THSD7B: variants seen among roughly 807,000 people sequenced by gnomAD.
THSD7B encodes the protein thrombospondin type 1 domain containing 7B, also known as thrombospondin type-1 domain-containing protein 7B.
Under a neutral mutation model 213.6 loss-of-function variants are expected in THSD7B, and 138 were observed. The ratio of observed to expected loss-of-function variants is 0.65; its 90% CI spans 0.56 to 0.74. The LOEUF (loss-of-function observed/expected upper bound fraction) is 0.74, where lower values mean the gene tolerates loss of function less well. Ranked by LOEUF, THSD7B falls within the 30% of genes least tolerant of loss-of-function variation. The pLI is 0.00. For synonymous variants in THSD7B, 742 were observed against 687.0 expected (o/e 1.08, Z -1.25); for missense variants, 1,931 against 1,991.5 (o/e 0.97, Z 0.58).
chr2:136,845,147 G>A (rs1682986732), intron 1 of THSD7B, among the ~76,000 whole-genome samples: 2 of 152,218 alleles, frequency 1.3e-5, no homozygotes. Context: ...ATTCTCTAGA[G>A]ATGTTGTGAA....
At chr2:137,008,634 TAA>T (rs1686162410) in intron 2 of THSD7B, among the ~76,000 whole-genome samples, 1 of 152,142 alleles carries the variant, frequency 6.6e-6, no homozygotes, top group Non-Finnish European at 1.5e-5. Context: ...CTATTCAATG[TAA>T]AGAGATAAAA....
At position 136,971,538 on chromosome 2, in the gene THSD7B, A is replaced by C. The variant is rs190198115; in HGVS notation, c.140-84882A>C. 6.6e-3 allele frequency among the ~76,000 whole-genome samples: 1,000 copies of C among 151,978 alleles called. 9 individuals are homozygous for C. Among genetic ancestry groups the C allele is most frequent in the Middle Eastern group, 0.02 (6 of 294 alleles). The stretch of plus-strand genomic sequence containing the variant: ...ATGTTTTTAATACCAAGGAGCACTA[A>C]ATATTGTATAGAAAAGAAAATGTAA... On this transcript the variant is annotated intron_variant, in intron 2 of 27. Coordinates refer to ENST00000409968, the MANE Select transcript of THSD7B (RefSeq NM_001316349.2).
chr2:137,171,948 A>T (rs1032071993), intron 7 of THSD7B, among the ~76,000 whole-genome samples: 2 of 152,058 alleles, frequency 1.3e-5, no homozygotes, highest in African/African-American at 4.8e-5. Flanking sequence ...TTAAAGGGCA[A>T]TAACAGATTG....
chr2:137,418,729 C>A (rs2105022840), intron 14 of THSD7B, among the ~76,000 whole-genome samples: 2 of 152,196 alleles, frequency 1.3e-5, no homozygotes, highest in Non-Finnish European at 2.9e-5. Flanking sequence ...CCAATCTACT[C>A]TCTATTTTTA....
intron 26 of THSD7B, among the ~76,000 whole-genome samples, chr2:137,664,733 C>CT (rs1365867247): frequency 1.3e-5 from 2 of 152,130 alleles, no homozygotes; most frequent in African/African-American, 2.4e-5. Flanking sequence ...ATCTTTTAGG[C>CT]TTTTACAAAC....
chr2:137,021,498 CA>C (rs1156741800), intron 2 of THSD7B, among the ~76,000 whole-genome samples: 1 of 151,980 alleles, frequency 6.6e-6, no homozygotes, highest in Non-Finnish European at 1.5e-5. Flanking sequence ...GAAAAACTTC[CA>C]ATTATTGGAG....
At position 137,057,223 on chromosome 2, in the gene THSD7B, A is replaced by G. The variant is rs561990482; in HGVS notation, c.943A>G (p.Met315Val). 23 of 1,607,502 alleles carry G rather than the reference A, an allele frequency of 1.4e-5. No individual in the cohort carries two copies. Among genetic ancestry groups the G allele is most frequent in the Non-Finnish European group, 1.8e-5 (21 of 1,176,028 alleles). ...TACAAGAAGTGATGGACAAAATGCT[A>G]TGTTAAGGTAGGAGACCTTTGATGC... ...SCTRSDGQNA[M>V]LSLCLQDSFP... The change falls in exon 3 of 28, where the codon ATG becomes GTG. Residue 315 changes from methionine to valine, a missense_variant. Met to Val is a conservative substitution (Grantham distance 21, BLOSUM62 1). Transcript: ENST00000409968.
intron 3 of THSD7B, among the ~76,000 whole-genome samples, chr2:137,068,956 G>C (rs1289204012): frequency 2.0e-5 from 3 of 151,986 alleles, no homozygotes; most frequent in Non-Finnish European, 2.9e-5. Context: ...CCCTTTACTA[G>C]CTATCTCATT....
chr2:137,528,768 C>G (rs1451058538), intron 15 of THSD7B, among the ~76,000 whole-genome samples: 1 of 151,932 alleles, frequency 6.6e-6, no homozygotes, highest in Non-Finnish European at 1.5e-5. Context: ...ATAAAAATTC[C>G]AAGACTCCAT....
At chr2:137,504,260 G>A (rs1159388387) in intron 15 of THSD7B, among the ~76,000 whole-genome samples, 1 of 152,074 alleles carries the variant, frequency 6.6e-6, no homozygotes, top group Non-Finnish European at 1.5e-5. Context: ...ATAGGTTATT[G>A]AAGAAATTAA....
intron 17 of THSD7B, among the ~76,000 whole-genome samples, chr2:137,614,586 C>A (rs1349089189): frequency 6.6e-6 from 1 of 152,080 alleles, no homozygotes; most frequent in Non-Finnish European, 1.5e-5. Flanking sequence ...AAGAAGCATT[C>A]AAATTAATTG....
At chr2:136,809,267 G>A (rs1215777768) in intron 1 of THSD7B, among the ~76,000 whole-genome samples, 2 of 152,160 alleles carry the variant, frequency 1.3e-5, no homozygotes, top group Non-Finnish European at 2.9e-5. Flanking sequence ...TCTGGAAGTG[G>A]TGAAGGGATG....
intron 21 of THSD7B, among the ~76,000 whole-genome samples, chr2:137,644,727 G>A (rs1432167483): frequency 2.0e-5 from 3 of 152,140 alleles, no homozygotes; most frequent in African/African-American, 7.2e-5. Context: ...TTCTGCCGCT[G>A]CATTTGTGCT....
intron 15 of THSD7B, among the ~76,000 whole-genome samples, chr2:137,529,130 A>C (rs1680334115): frequency 6.6e-6 from 1 of 152,030 alleles, no homozygotes; most frequent in Non-Finnish European, 1.5e-5. Flanking sequence ...TCCCTTTCTA[A>C]GGCACATTTC....
intron 10 of THSD7B, among the ~76,000 whole-genome samples, chr2:137,271,348 C>T (rs74946502): frequency 0.01 from 1,478 of 142,648 alleles, 13 homozygotes; most frequent in East Asian, 0.038. Flanking sequence ...CTTCAAAGTG[C>T]TTCCTTGGCC....
At chr2:136,862,342 C>T (rs1683268892) in intron 1 of THSD7B, among the ~76,000 whole-genome samples, 2 of 152,156 alleles carry the variant, frequency 1.3e-5, no homozygotes, top group Non-Finnish European at 2.9e-5. Context: ...GTCCAGGATC[C>T]TATCATCTAA....
At position 137,324,175 on chromosome 2, in the gene THSD7B, CA is replaced by C. The variant is rs139988772; in HGVS notation, c.2500+48151del. Among the ~76,000 whole-genome samples the C allele has an allele frequency of 2.2e-3, 341 of 152,236 alleles. 4 individuals are homozygous for C. Among genetic ancestry groups the C allele is most frequent in the African/African-American group, 8.0e-3 (331 of 41,556 alleles). On this transcript the variant is annotated intron_variant, in intron 12 of 27. Transcript: ENST00000409968. ...TCATTTCACTTATCACATCAGTTTT[CA>C]ATTTTTGATTACTTCTCTGTGTCCT...
intron 14 of THSD7B, among the ~76,000 whole-genome samples, chr2:137,448,370 A>G (rs1409803594): frequency 6.6e-6 from 1 of 152,224 alleles, no homozygotes; most frequent in Admixed American, 6.5e-5. Flanking sequence ...CTGGTTAGGA[A>G]AATAACTCAT....
chr2:137,500,278 A>G (rs1679671348), intron 15 of THSD7B, among the ~76,000 whole-genome samples: 2 of 152,242 alleles, frequency 1.3e-5, no homozygotes, highest in African/African-American at 4.8e-5. Flanking sequence ...TAAGTATAGA[A>G]GTTGAATCTA....
Sources: allele counts gnomAD v4.1 joint callset (sites outside exome capture counted in the v4.1 genomes callset), GRCh38; gene constraint gnomAD v4.1.1; transcripts MANE v1.5; gene names NCBI Gene and HGNC (gene_info 2026-07-23, HGNC 2026-07-21).